Variants in PDZRN4 observed in about 807,000 individuals in gnomAD.
The protein encoded by PDZRN4 is PDZ domain containing ring finger 4, also known as PDZ domain-containing RING finger protein 4.
Under a neutral mutation model 99.0 loss-of-function variants are expected in PDZRN4, and 70 were observed. The observed-to-expected ratio is 0.71, with a 90% CI of 0.58 to 0.86. The LOEUF (loss-of-function observed/expected upper bound fraction) is 0.86, where lower values mean the gene tolerates loss of function less well. Ranked by LOEUF, PDZRN4 falls within the 40% of genes least tolerant of loss-of-function variation. The pLI is 0.00. For missense variants in PDZRN4, 1,474 were observed against 1,331.2 expected (o/e 1.11, Z -1.67); for synonymous variants, 551 against 501.6 (o/e 1.10, Z -1.32).
intron 3 of PDZRN4, among the ~76,000 whole-genome samples, chr12:41,504,809 C>G (rs138509854): frequency 1.3e-5 from 2 of 152,224 alleles, no homozygotes; most frequent in East Asian, 1.9e-4. Context: ...AAGAATCAGA[C>G]AGAGAATGCA....
intron 3 of PDZRN4, among the ~76,000 whole-genome samples, chr12:41,197,649 C>A (rs923776332): frequency 1.3e-5 from 2 of 152,108 alleles, no homozygotes; most frequent in African/African-American, 4.8e-5. Flanking sequence ...TTCACATACA[C>A]CAAGAATTCA....
intron 3 of PDZRN4, among the ~76,000 whole-genome samples, chr12:41,336,784 C>G (rs148538741): frequency 1.3e-5 from 2 of 151,660 alleles, no homozygotes; most frequent in African/African-American, 2.4e-5. Context: ...TCATGGGGGT[C>G]GCTGTGAGTT....
At chr12:41,370,641 T>C (rs1952034555) in intron 3 of PDZRN4, among the ~76,000 whole-genome samples, 1 of 152,008 alleles carries the variant, frequency 6.6e-6, no homozygotes, top group Non-Finnish European at 1.5e-5. Context: ...GCTGTTATCA[T>C]TCTCCTGCAT....
In PDZRN4 at chr12:41,433,517, C is replaced by T. The variant is rs553656823; in HGVS notation, c.844-72939C>T. Among the ~76,000 whole-genome samples, 12 of 152,264 alleles carry T rather than the reference C, an allele frequency of 7.9e-5. 1 individual carries two copies. In the South Asian group the frequency reaches 2.5e-3, roughly 32 times the overall value. On this transcript the variant is annotated intron_variant, in intron 3 of 9. Transcript: ENST00000402685. ...AGTATCTCCTGAAATGAATGCAGAACTGGGACTAGAAATTTGTAAGCCACA... is the reference window on the plus strand; with the variant it reads ...AGTATCTCCTGAAATGAATGCAGAATTGGGACTAGAAATTTGTAAGCCACA...
chr12:41,248,401 A>G (rs1457395277), intron 3 of PDZRN4, among the ~76,000 whole-genome samples: 1 of 152,214 alleles, frequency 6.6e-6, no homozygotes, highest in African/African-American at 2.4e-5. Flanking sequence ...TGCTGAAAAC[A>G]GAGACTTACT....
chr12:41,522,432 AT>A (rs141876011), intron 5 of PDZRN4, among the ~76,000 whole-genome samples: 53 of 152,146 alleles, frequency 3.5e-4, no homozygotes, highest in African/African-American at 1.2e-3. Context: ...ACCTTAACAT[AT>A]TTTTTTGGAA....
chr12:41,438,449 T>TCC (rs1952650619), intron 3 of PDZRN4, among the ~76,000 whole-genome samples: 1 of 152,202 alleles, frequency 6.6e-6, no homozygotes, highest in South Asian at 2.1e-4. Context: ...CTGTTAGCCA[T>TCC]AGGAAATTAT....
chr12:41,544,204 G>T (rs1044862609), intron 5 of PDZRN4, among the ~76,000 whole-genome samples: 1 of 152,206 alleles, frequency 6.6e-6, no homozygotes, highest in African/African-American at 2.4e-5. Context: ...AACTGAACAT[G>T]CTAGAGGAAT....
At chr12:41,565,153 C>A (rs964331911) in intron 8 of PDZRN4, among the ~76,000 whole-genome samples, 2 of 152,070 alleles carry the variant, frequency 1.3e-5, no homozygotes, top group African/African-American at 4.8e-5. Flanking sequence ...ACACTTCTGA[C>A]CTTTTTCTCC....
intron 3 of PDZRN4, among the ~76,000 whole-genome samples, chr12:41,235,593 C>T (rs1345046485): frequency 1.3e-5 from 2 of 151,946 alleles, no homozygotes; most frequent in Non-Finnish European, 2.9e-5. Flanking sequence ...AGCATGTGGG[C>T]CCAGAAATGC....
At chr12:41,207,607 G>T (rs1442078941) in intron 3 of PDZRN4, among the ~76,000 whole-genome samples, 1 of 151,574 alleles carries the variant, frequency 6.6e-6, no homozygotes, top group Non-Finnish European at 1.5e-5. Context: ...ATACCAAATG[G>T]CTGTTATATT....
chr12:41,439,229 CA>C (rs1952656726), intron 3 of PDZRN4, among the ~76,000 whole-genome samples: 1 of 152,118 alleles, frequency 6.6e-6, no homozygotes, highest in Non-Finnish European at 1.5e-5. Flanking sequence ...TTAATTACAC[CA>C]GGGGCAATAC....
intron 3 of PDZRN4, among the ~76,000 whole-genome samples, chr12:41,341,265 G>A (rs1951815167): frequency 6.6e-6 from 1 of 151,654 alleles, no homozygotes; most frequent in African/African-American, 2.4e-5. Context: ...ATACTGAATG[G>A]GGAAAACCTG....
chr12:41,526,262 T>C (rs755068874), intron 5 of PDZRN4, among the ~76,000 whole-genome samples: 2 of 152,172 alleles, frequency 1.3e-5, no homozygotes, highest in Non-Finnish European at 2.9e-5. Flanking sequence ...GCTCTTGGCA[T>C]TCTGAGCTGG....
intron 3 of PDZRN4, chr12:41,477,953 T>G: frequency 7.5e-7 from 1 of 1,333,600 alleles, no homozygotes; most frequent in African/African-American, 1.4e-5. Flanking sequence ...TTCATCATAT[T>G]ATTCTCTTGC....
At chr12:41,271,337 A>G (rs1951313234) in intron 3 of PDZRN4, among the ~76,000 whole-genome samples, 1 of 152,150 alleles carries the variant, frequency 6.6e-6, no homozygotes, top group Non-Finnish European at 1.5e-5. Context: ...ATATGGGTCA[A>G]GTCCTATTTT....
chr12:41,208,406 G>T (rs1950864928), intron 3 of PDZRN4, among the ~76,000 whole-genome samples: 1 of 151,798 alleles, frequency 6.6e-6, no homozygotes, highest in South Asian at 2.1e-4. Flanking sequence ...CATGTATATT[G>T]TCTCCATCTC....
chr12:41,269,532 C>G (rs78439595), intron 3 of PDZRN4, among the ~76,000 whole-genome samples: 1,736 of 152,258 alleles, frequency 0.011, 53 homozygotes, highest in East Asian at 0.097. Flanking sequence ...CTGATCTAAA[C>G]TAAATAAATT....
chr12:41,239,406 A>G (rs1182230067), intron 3 of PDZRN4, among the ~76,000 whole-genome samples: 1 of 152,218 alleles, frequency 6.6e-6, no homozygotes, highest in East Asian at 1.9e-4. Context: ...ACTGTGCAGC[A>G]AACCACCATG....
Sources: allele counts gnomAD v4.1 joint callset (sites outside exome capture counted in the v4.1 genomes callset), GRCh38; gene constraint gnomAD v4.1.1; transcripts MANE v1.5; gene names NCBI Gene and HGNC (gene_info 2026-07-23, HGNC 2026-07-21).